JPT1: variants seen among roughly 807,000 people sequenced by gnomAD.
JPT1 encodes the protein androgen-regulated protein 2.
JPT1 carries 5 observed loss-of-function variants against 17.0 expected under a neutral mutation model. The ratio of observed to expected loss-of-function variants is 0.29; its 90% CI spans 0.15 to 0.62. The LOEUF is 0.62. JPT1 is among the 20% of genes least tolerant of loss of function. The pLI is 0.85. For missense variants in JPT1, 158 were observed against 188.1 expected (o/e 0.84, Z 0.94); for synonymous variants, 71 against 73.6 (o/e 0.96, Z 0.18).
chr17:75,149,923 T>C (rs1262340736), intron 1 of JPT1, among the ~76,000 whole-genome samples: 1 of 50,612 alleles, frequency 2.0e-5, no homozygotes, highest in African/African-American at 3.3e-5. Context: ...CAAGAAGAGC[T>C]GATAATAGTC....
At chr17:75,152,386 G>A (rs529971454) in intron 1 of JPT1, among the ~76,000 whole-genome samples, 1 of 152,112 alleles carries the variant, frequency 6.6e-6, no homozygotes, top group East Asian at 1.9e-4. Context: ...AATTTATAAC[G>A]AGTTTATGGG....
chr17:75,154,246 G>A, intron 1 of JPT1, 96 bp downstream of exon 1: 1 of 1,002,346 alleles, frequency 1.0e-6, no homozygotes. Flanking sequence ...AGCGCACGGG[G>A]CTCGTTACCC....
intron 4 of JPT1, among the ~76,000 whole-genome samples, chr17:75,137,138 T>G (rs2074213860): frequency 1.3e-5 from 2 of 152,274 alleles, no homozygotes; most frequent in African/African-American, 4.8e-5. Flanking sequence ...TATAGGCTAT[T>G]TATCCAATTC....
chr17:75,149,789 T>C (rs766818220), intron 1 of JPT1, among the ~76,000 whole-genome samples: 6 of 151,994 alleles, frequency 3.9e-5, no homozygotes, highest in Non-Finnish European at 8.8e-5. Flanking sequence ...GGCAGGAGGA[T>C]TGCTTGAGCC....
At chr17:75,138,956 G>A (rs1363168094) in intron 4 of JPT1, among the ~76,000 whole-genome samples, 1 of 152,108 alleles carries the variant, frequency 6.6e-6, no homozygotes, top group East Asian at 1.9e-4. Context: ...CAAAAATAGA[G>A]TATGAAGCTT....
chr17:75,147,726 C>T (rs1282860056), intron 2 of JPT1, 73 bp from the exon 3 acceptor site: 10 of 1,232,462 alleles, frequency 8.1e-6, no homozygotes, highest in South Asian at 2.4e-5. Context: ...AGGCTGGGCA[C>T]GGTGGCTCAT....
At position 75,139,990 on chromosome 17, in the gene JPT1, C is replaced by T. The variant is rs573458988; in HGVS notation, c.317-3740G>A. ...CTCTTGCCAGGCTGGAGTGCAGTGG[C>T]GCAATCTATCTCCACCTCCCAGGTT... On this transcript the variant is annotated intron_variant, in intron 4 of 4. Transcript: ENST00000409753. 3.3e-3 allele frequency among the ~76,000 whole-genome samples: 507 copies of T among 152,100 alleles called. 1 individual carries two copies. The highest frequency in any genetic ancestry group is 0.011 in the African/African-American group (476 of 41,506).
At chr17:75,136,720 G>A (rs1411563742) in intron 4 of JPT1, among the ~76,000 whole-genome samples, 1 of 152,182 alleles carries the variant, frequency 6.6e-6, no homozygotes, top group Non-Finnish European at 1.5e-5. Context: ...TTGAATTCAT[G>A]ACCTTGTGAT....
chr17:75,136,375 C>CA (rs1443842974), intron 4 of JPT1, 125 bp from the exon 5 acceptor site: 11 of 847,002 alleles, frequency 1.3e-5, no homozygotes, highest in Non-Finnish European at 1.9e-5. Context: ...AAAGCATAAA[C>CA]AAAATAATCA....
intron 3 of JPT1, among the ~76,000 whole-genome samples, chr17:75,147,167 C>A (rs2074455643): frequency 6.6e-6 from 1 of 152,168 alleles, no homozygotes; most frequent in Admixed American, 6.6e-5. Flanking sequence ...TCGCAGCACA[C>A]CCCCTGGGGG....
At chr17:75,148,896 G>T (rs1324165424) in intron 1 of JPT1, among the ~76,000 whole-genome samples, 1 of 152,090 alleles carries the variant, frequency 6.6e-6, no homozygotes, top group Non-Finnish European at 1.5e-5. Context: ...TAAGGTCATC[G>T]ATCACACAAG....
In JPT1 at chr17:75,140,842, G is replaced by A. The variant is rs143978935; in HGVS notation, c.317-4592C>T. ...CACGGTGGCTCACGCCTGTAATCCCGACACTTTGGGAGGCCAAGGCAGGTG... is the reference window on the plus strand; with the variant it reads ...CACGGTGGCTCACGCCTGTAATCCCAACACTTTGGGAGGCCAAGGCAGGTG... On this transcript the variant is annotated intron_variant, in intron 4 of 4. Transcript: ENST00000409753. Among the ~76,000 whole-genome samples the A allele has an allele frequency of 7.5e-4, 114 of 152,106 alleles. 1 individual carries two copies. The East Asian group carries it at 0.01, about 13-fold the overall frequency.
In JPT1 at chr17:75,135,951, T is replaced by A; in HGVS notation, c.*151A>T. ...CAAGAGTCAAGGACAGAGAGAAACC[T>A]GTTCTTCAAAAGAAAAAAAAAAAAG... On this transcript the variant is annotated 3_prime_UTR_variant, in exon 5 of 5. Coordinates refer to ENST00000409753, the MANE Select transcript of JPT1 (RefSeq NM_016185.4). The A allele has an allele frequency of 6.5e-7, 1 of 1,541,626 alleles. No individual in the cohort carries two copies. Among genetic ancestry groups the A allele is most frequent in the African/African-American group, 1.4e-5 (1 of 70,660 alleles).
intron 1 of JPT1, 153 bp downstream of exon 1, chr17:75,154,186 CAAA>C: frequency 2.5e-6 from 1 of 393,462 alleles, no homozygotes. Context: ...CCAGGCGGCA[CAAA>C]GGCGGCGCCG....
chr17:75,136,247 T>C lies in JPT1; in HGVS notation c.320A>G (p.Asn107Ser). 8 of 1,577,202 alleles carry C rather than the reference T, an allele frequency of 5.1e-6. No homozygotes were observed. Among genetic ancestry groups the C allele is most frequent in the Non-Finnish European group, 6.9e-6 (8 of 1,159,012 alleles). The change falls in exon 5 of 5, where the codon AAT (asparagine) becomes AGT (serine). Residue 107 changes from asparagine to serine, a missense_variant. Asn to Ser is a conservative substitution (Grantham distance 46, BLOSUM62 1). Transcript: ENST00000409753. ...GCTGCCTGGCAAGTCTGTGTCCACATTTTCTATGAAAACAGGGAATAGAAA... is the reference window on the plus strand; with the variant it reads ...GCTGCCTGGCAAGTCTGTGTCCACACTTTCTATGAAAACAGGGAATAGAAA... ...DLKGEGDIHENVDTDLPGSLG... is the reference protein window; with the variant it reads ...DLKGEGDIHESVDTDLPGSLG...
intron 2 of JPT1, 115 bp downstream of exon 2, chr17:75,148,414 T>A (rs1366310213): frequency 1.6e-6 from 2 of 1,261,332 alleles, no homozygotes; most frequent in Non-Finnish European, 2.2e-6. Flanking sequence ...ACCAGCTAAT[T>A]TTTGTTTTGT....
intron 4 of JPT1, among the ~76,000 whole-genome samples, chr17:75,141,613 A>G (rs2074309997): frequency 6.6e-6 from 1 of 152,050 alleles, no homozygotes; most frequent in Non-Finnish European, 1.5e-5. Flanking sequence ...AGATTATGCC[A>G]CTGCACTCCA....
chr17:75,136,128 C>T lies in JPT1; in HGVS notation c.439G>A (p.Gly147Ser). 1.2e-6 allele frequency: 2 copies of T among 1,614,218 alleles called. No individual in the cohort carries two copies. The highest frequency in any genetic ancestry group is 1.7e-6 in the Non-Finnish European group (2 of 1,180,044). The change falls in exon 5 of 5, where the codon GGC becomes AGC. Residue 147 changes from glycine (G) to serine (S), a missense_variant. Coordinates refer to ENST00000409753, the MANE Select transcript of JPT1 (RefSeq NM_016185.4). ...PVPSRRNPPG[G>S]KSSLVLG is the part of the protein sequence containing the mutation. ...TAACCCAAGACGAGGCTGGACTTGC[C>T]GCCAGGGGGATTTCTTCTGGATGGC... is the stretch of plus-strand genomic sequence containing the variant.
chr17:75,147,761 G>A (rs2074468054), intron 2 of JPT1, 108 bp from the exon 3 acceptor site: 6 of 784,708 alleles, frequency 7.6e-6, no homozygotes, highest in Non-Finnish European at 1.3e-5. Context: ...TGCTTTAGGA[G>A]GCCGAGGCGG....
Sources: allele counts gnomAD v4.1 joint callset (sites outside exome capture counted in the v4.1 genomes callset), GRCh38; gene constraint gnomAD v4.1.1; transcripts MANE v1.5; gene names NCBI Gene and HGNC (gene_info 2026-07-23, HGNC 2026-07-21).